Variants in TRPM6 observed in about 807,000 individuals in gnomAD.
The protein encoded by TRPM6 is transient receptor potential cation channel subfamily M member 6.
TRPM6 carries 111 observed loss-of-function variants against 247.6 expected under a neutral mutation model. That is an observed-to-expected ratio of 0.45 (90% CI 0.38 to 0.52). The LOEUF is 0.52. Among genes scored for constraint, TRPM6 ranks in the 20% least tolerant of loss-of-function variants. TRPM6 has a pLI of 0.00. For synonymous variants in TRPM6, 892 were observed against 853.8 expected (o/e 1.04, Z -0.78); for missense variants, 2,126 against 2,421.5 (o/e 0.88, Z 2.56).
At chr9:74,851,511 G>A (rs978812596) in intron 3 of TRPM6, among the ~76,000 whole-genome samples, 32 of 152,100 alleles carry the variant, frequency 2.1e-4, no homozygotes, top group African/African-American at 7.5e-4. Context: ...ACTTTGGGAG[G>A]CTGAGGACGG....
At chr9:74,781,910 G>A (rs968754528) in intron 23 of TRPM6, among the ~76,000 whole-genome samples, 1 of 152,178 alleles carries the variant, frequency 6.6e-6, no homozygotes, top group Non-Finnish European at 1.5e-5. Context: ...AAGGATGATC[G>A]TGTCTGTGCT....
At chr9:74,826,203 G>T (rs1011809876) in intron 7 of TRPM6, among the ~76,000 whole-genome samples, 1 of 152,146 alleles carries the variant, frequency 6.6e-6, no homozygotes, top group East Asian at 1.9e-4. Flanking sequence ...CACAACAAAC[G>T]TTAGACGTAG....
At chr9:74,773,181 G>T (rs1827109695) in intron 24 of TRPM6, among the ~76,000 whole-genome samples, 6 of 152,066 alleles carry the variant, frequency 3.9e-5, no homozygotes, top group Admixed American at 3.9e-4. Context: ...TGAACACTAG[G>T]TCTTATTTCT....
chr9:74,764,555 C>T (rs975546504), intron 25 of TRPM6, among the ~76,000 whole-genome samples: 4 of 152,172 alleles, frequency 2.6e-5, no homozygotes, highest in Admixed American at 2.0e-4. Context: ...CCTGCCAACA[C>T]CTTGATTTTG....
chr9:74,761,916 C>T, intron 26 of TRPM6, 83 bp downstream of exon 26: 1 of 1,533,582 alleles, frequency 6.5e-7, no homozygotes, highest in Non-Finnish European at 9.0e-7. Flanking sequence ...GGTTAAGAGT[C>T]ACAGATTTAA....
At chr9:74,799,951 T>G in intron 17 of TRPM6, 1 of 415,310 alleles carries the variant, frequency 2.4e-6, no homozygotes, top group Non-Finnish European at 4.6e-6. Context: ...CCAGGGTTGA[T>G]TCAGCTGATC....
chr9:74,768,615 C>G (rs1826907992), intron 25 of TRPM6, among the ~76,000 whole-genome samples: 1 of 152,246 alleles, frequency 6.6e-6, no homozygotes, highest in Non-Finnish European at 1.5e-5. Context: ...GGACTCTATG[C>G]TCTCCCTTAG....
chr9:74,751,115 C>T (rs1826229232), intron 29 of TRPM6, among the ~76,000 whole-genome samples: 1 of 152,182 alleles, frequency 6.6e-6, no homozygotes, highest in African/African-American at 2.4e-5. Context: ...CAACACGGAT[C>T]ATCACATTGT....
At position 74,812,186 on chromosome 9, in the gene TRPM6, C is replaced by T. The variant is rs1422420988; in HGVS notation, c.1443+113G>A. On this transcript the variant is annotated intron_variant, in intron 12 of 38. Coordinates refer to ENST00000360774, the MANE Select transcript of TRPM6 (RefSeq NM_017662.5). ...TCCAGCTTCAGATAATAGGGAAGTC[C>T]AGCTACTTCTAATTTCCTCAGATAA... The T allele has an allele frequency of 1.4e-5, 19 of 1,393,464 alleles. No individual in the cohort carries two copies. In the Admixed American group the frequency reaches 3.3e-4, roughly 24 times the overall value. The allele number at this position is 1,393,464 out of a possible 1,614,324, so 86.3% of individuals were successfully genotyped here. A position where few individuals can be genotyped will look rare whatever the true frequency, so the allele number is the denominator to read the frequency against.
Position 74,788,633 on chromosome 9 carries a change from G to GC in TRPM6, c.2647dup (p.Ala883GlyfsTer3), listed in dbSNP as rs1827779802. ...ACTCACCTCCCTGACCACCTCAATAGCATTGGTGAAGATGTAAATGCTAAC... is the reference window on the plus strand; with the variant it reads ...ACTCACCTCCCTGACCACCTCAATAGCCATTGGTGAAGATGTAAATGCTAAC... On this transcript the variant is annotated frameshift_variant, in exon 20 of 39. Transcript: ENST00000360774. LOFTEE classifies it high-confidence loss of function. The GC allele has an allele frequency of 6.2e-7, 1 of 1,613,802 alleles. No homozygotes were observed. Among genetic ancestry groups the GC allele is most frequent in the Non-Finnish European group, 8.5e-7 (1 of 1,179,890 alleles).
intron 28 of TRPM6, among the ~76,000 whole-genome samples, chr9:74,752,837 G>T (rs1826297771): frequency 6.6e-6 from 1 of 152,092 alleles, no homozygotes; most frequent in African/African-American, 2.4e-5. Context: ...TAGAGGCCAG[G>T]CGCCGTGGCT....
intron 13 of TRPM6, among the ~76,000 whole-genome samples, chr9:74,809,823 A>G (rs1039332684): frequency 4.6e-5 from 7 of 151,820 alleles, no homozygotes; most frequent in Non-Finnish European, 1.0e-4. Flanking sequence ...TACCAAAAAT[A>G]CAGAAAAGTT....
chr9:74,843,205 A>G (rs1830000765), intron 3 of TRPM6, among the ~76,000 whole-genome samples: 1 of 152,166 alleles, frequency 6.6e-6, no homozygotes, highest in East Asian at 1.9e-4. Flanking sequence ...AAGTTTTTTA[A>G]TGAGATTCAG....
chr9:74,757,121 T>C (rs1237934789), intron 27 of TRPM6, among the ~76,000 whole-genome samples: 1 of 147,128 alleles, frequency 6.8e-6, no homozygotes, highest in Non-Finnish European at 1.5e-5. Flanking sequence ...GAGGATGCAG[T>C]GAGCCAACAT....
At chr9:74,854,479 C>A (rs1830462039) in intron 3 of TRPM6, among the ~76,000 whole-genome samples, 1 of 152,014 alleles carries the variant, frequency 6.6e-6, no homozygotes, top group Non-Finnish European at 1.5e-5. Context: ...ATTACGTTTG[C>A]ACCAAGCTAA....
chr9:74,793,117 C>T (rs917942668), intron 18 of TRPM6, among the ~76,000 whole-genome samples: 1 of 152,126 alleles, frequency 6.6e-6, no homozygotes, highest in African/African-American at 2.4e-5. Flanking sequence ...TATCATGCCA[C>T]CGCACTCCAG....
chr9:74,782,460 T>C lies in TRPM6; in HGVS notation c.3111A>G (p.Pro1037=), dbSNP rs1198569104. 6.2e-7 allele frequency: 1 copy of C among 1,613,968 alleles called. No homozygotes were observed. Among genetic ancestry groups the C allele is most frequent in the South Asian group, 1.1e-5 (1 of 91,064 alleles). The part of the protein sequence containing the change: ...AGEIDVCSSQ[P]SCPPGSFLTP... ...TAAGAAAAGAACCAGGAGGGCAGGA[T>C]GGCTGGCTTGAACAAACTACAAATA... Residue 1037 remains proline (P), a synonymous_variant, in exon 23 of 39, where the codon CCA becomes CCG. Transcript: ENST00000360774.
intron 4 of TRPM6, among the ~76,000 whole-genome samples, chr9:74,841,477 A>G (rs1007636663): frequency 1.3e-5 from 2 of 152,142 alleles, no homozygotes; most frequent in African/African-American, 2.4e-5. Context: ...CAGTAATTTA[A>G]AACAATTTCC....
At chr9:74,857,398 C>CA (rs1564053288) in intron 2 of TRPM6, among the ~76,000 whole-genome samples, 1 of 152,020 alleles carries the variant, frequency 6.6e-6, no homozygotes, top group Non-Finnish European at 1.5e-5. Flanking sequence ...GACAAATGCC[C>CA]AAAAAAATCT....
Sources: allele counts gnomAD v4.1 joint callset (sites outside exome capture counted in the v4.1 genomes callset), GRCh38; gene constraint gnomAD v4.1.1; transcripts MANE v1.5; gene names NCBI Gene and HGNC (gene_info 2026-07-23, HGNC 2026-07-21).